STARD8: variants seen among roughly 807,000 people sequenced by gnomAD.
STARD8 encodes the protein StAR related lipid transfer domain containing 8, also known as stAR-related lipid transfer protein 8.
Under a neutral mutation model 69.4 loss-of-function variants are expected in STARD8, and 25 were observed. That is an observed-to-expected ratio of 0.36 (90% confidence interval 0.26 to 0.50). STARD8 has a LOEUF of 0.50. STARD8 is among the 20% of genes least tolerant of loss of function. The pLI, the probability that STARD8 is intolerant of heterozygous loss-of-function variation, is 0.96. For missense variants in STARD8, 921 were observed against 932.5 expected (o/e 0.99, Z 0.16); for synonymous variants, 389 against 374.6 (o/e 1.04, Z -0.45).
At chrX:68,665,211 G>A (rs2079675499) in intron 1 of STARD8, among the ~76,000 whole-genome samples, 1 of 112,094 alleles carries the variant, frequency 8.9e-6, no homozygotes, top group Non-Finnish European at 1.9e-5. Flanking sequence ...CTGTGGCAGA[G>A]TGTCTCCAAT....
intron 2 of STARD8, among the ~76,000 whole-genome samples, chrX:68,711,843 G>A (rs2080053470): frequency 8.9e-6 from 1 of 112,367 alleles, no homozygotes; most frequent in South Asian, 3.7e-4. Context: ...AATGGAGGAT[G>A]TGTTGGGGGC....
At chrX:68,707,497 T>C (rs370852363) in intron 2 of STARD8, among the ~76,000 whole-genome samples, 1 of 111,804 alleles carries the variant, frequency 8.9e-6, no homozygotes, top group African/African-American at 3.3e-5. Context: ...GGCTGTACTT[T>C]AGAAGAACCG....
At position 68,720,315 on chromosome X, in the gene STARD8, G is replaced by A; in HGVS notation, c.1941G>A (p.Gln647=). The A allele has an allele frequency of 1.7e-6, 2 of 1,208,323 alleles. No homozygotes were observed. The highest frequency in any genetic ancestry group is 2.2e-6 in the Non-Finnish European group (2 of 893,546). The change falls in exon 8 of 15, where the codon CAG becomes CAA. Residue 647 remains glutamine (Q), a synonymous_variant. Transcript: ENST00000374599. Reference sequence around the variant, plus strand: ...ACAAGACCCCAGATTACCGGGGACAGCACGTATTTGGGGTGCCACCCCTCA... The same window carrying A: ...ACAAGACCCCAGATTACCGGGGACAACACGTATTTGGGGTGCCACCCCTCA... ...RRNKTPDYRG[Q]HVFGVPPLIH... is the part of the protein sequence containing the mutation.
chrX:68,716,699 T>C (rs778454315), intron 5 of STARD8, among the ~76,000 whole-genome samples: 7 of 111,509 alleles, frequency 6.3e-5, no homozygotes, highest in Non-Finnish European at 1.3e-4. Context: ...AGCCCTGGGC[T>C]GTGAGACAGG....
chrX:68,672,610 A>G (rs1194349486), intron 2 of STARD8, among the ~76,000 whole-genome samples: 1 of 111,729 alleles, frequency 9.0e-6, no homozygotes, highest in African/African-American at 3.3e-5. Context: ...GACAAAGCAG[A>G]ACAAACTGGT....
chrX:68,696,346 G>A (rs2079919480), intron 2 of STARD8, among the ~76,000 whole-genome samples: 1 of 111,998 alleles, frequency 8.9e-6, no homozygotes, highest in South Asian at 3.7e-4. Context: ...GTGTGCGCAC[G>A]TGTGCATGGG....
chrX:68,723,937 T>A lies in STARD8; in HGVS notation c.3018-8T>A, dbSNP rs1415106178. On this transcript the variant is annotated splice_region_variant and splice_polypyrimidine_tract_variant and intron_variant, in intron 13 of 14. Transcript: ENST00000374599. ...GGAATCTGAGCCTACGTGTCCCTTC[T>A]CCAATAGGATGTGGCGCTCTGACCT... 8.3e-7 allele frequency: 1 copy of A among 1,211,182 alleles called. No homozygotes were observed. Among genetic ancestry groups the A allele is most frequent in the South Asian group, 1.8e-5 (1 of 56,842 alleles).
intron 2 of STARD8, among the ~76,000 whole-genome samples, chrX:68,697,199 G>A (rs916024394): frequency 8.9e-6 from 1 of 112,068 alleles, no homozygotes; most frequent in African/African-American, 3.3e-5. Flanking sequence ...TCAAATAACC[G>A]GTAAGTGTTC....
At chrX:68,675,313 C>T (rs908889236) in intron 2 of STARD8, among the ~76,000 whole-genome samples, 4 of 110,865 alleles carry the variant, frequency 3.6e-5, no homozygotes, top group Admixed American at 1.9e-4. Context: ...AGGCTGGTCT[C>T]GAACTCCTGA....
At chrX:68,670,960 G>A (rs1292293279) in intron 2 of STARD8, among the ~76,000 whole-genome samples, 1 of 111,207 alleles carries the variant, frequency 9.0e-6, no homozygotes, top group Non-Finnish European at 1.9e-5. Context: ...CTCCATCTGG[G>A]CCCTAGCAGC....
intron 1 of STARD8, among the ~76,000 whole-genome samples, chrX:68,663,340 TG>T (rs1311668835): frequency 8.9e-6 from 1 of 111,992 alleles, no homozygotes; most frequent in African/African-American, 3.2e-5. Context: ...GGAGCCCTAT[TG>T]ATCTCAAGCA....
intron 1 of STARD8, among the ~76,000 whole-genome samples, chrX:68,658,617 G>A (rs773675043): frequency 2.7e-5 from 3 of 112,829 alleles, no homozygotes; most frequent in Non-Finnish European, 5.6e-5. Context: ...CTGGAGCTTG[G>A]TCTTCCCAGC....
At chrX:68,699,479 G>T (rs2079949246) in intron 2 of STARD8, among the ~76,000 whole-genome samples, 1 of 112,098 alleles carries the variant, frequency 8.9e-6, no homozygotes, top group South Asian at 3.7e-4. Context: ...TCTAACCCTG[G>T]GTTCCGAGTG....
chrX:68,718,655 G>A (rs986457149), intron 6 of STARD8, 26 bp downstream of exon 6: 6 of 1,153,700 alleles, frequency 5.2e-6, no homozygotes, highest in South Asian at 4.2e-5. Context: ...GGGATGGGGC[G>A]GACGCAGGGT....
intron 1 of STARD8, among the ~76,000 whole-genome samples, chrX:68,653,952 A>G (rs1298686463): frequency 8.9e-6 from 1 of 112,031 alleles, no homozygotes; most frequent in Non-Finnish European, 1.9e-5. Flanking sequence ...CAGGTCCTAG[A>G]GGGCACTGGC....
intron 6 of STARD8, 119 bp from the exon 7 acceptor site, chrX:68,719,106 C>T: frequency 2.2e-6 from 2 of 919,550 alleles, no homozygotes. Context: ...AGAAAGTGTT[C>T]CCAGCTCCCT....
intron 2 of STARD8, among the ~76,000 whole-genome samples, chrX:68,668,107 T>TTCTTTCTTTCTG (rs2079698933): frequency 2.0e-5 from 2 of 98,323 alleles, no homozygotes; most frequent in African/African-American, 3.9e-5. Flanking sequence ...CTTTCTTTCT[T>TTCTTTCTTTCTG]TCTTTCTGTC....
intron 1 of STARD8, among the ~76,000 whole-genome samples, chrX:68,664,188 T>C (rs1057236141): frequency 2.7e-5 from 3 of 111,648 alleles, no homozygotes; most frequent in African/African-American, 9.8e-5. Context: ...AAGACCCTTC[T>C]ACCTCTAAGA....
At position 68,660,497 on chromosome X, in the gene STARD8, G is replaced by A. The variant is rs1383762583; in HGVS notation, c.46-5002G>A. Among the ~76,000 whole-genome samples the A allele has an allele frequency of 2.7e-5, 3 of 111,543 alleles. No individual in the cohort carries two copies. In the East Asian group the frequency reaches 8.5e-4, roughly 32 times the overall value. On this transcript the variant is annotated intron_variant, in intron 1 of 14. Transcript: ENST00000374599. ...GCATATGTCTCCAGGTCATTGACAT[G>A]GGGTTTAAAAGTGGCACCGTGACAC...
Sources: gnomAD v4.1 joint callset for allele counts (sites outside exome capture counted in the v4.1 genomes callset) on GRCh38, gnomAD v4.1.1 for gene constraint, MANE v1.5 for transcripts, NCBI Gene and HGNC (gene_info 2026-07-23, HGNC 2026-07-21) for gene names.